The following CFAP221 variants were observed in gnomAD, a reference collection of about 807,000 sequenced individuals.
CFAP221 encodes cilia- and flagella-associated protein 221.
CFAP221 carries 97 observed loss-of-function variants against 113.1 expected under a neutral mutation model. The ratio of observed to expected loss-of-function variants is 0.86; its 90% CI spans 0.73 to 1.02. The LOEUF is 1.02. Among genes scored for constraint, CFAP221 ranks in the 50% least tolerant of loss-of-function variants. The pLI is 0.00. For missense variants in CFAP221, 1,025 were observed against 1,013.4 expected (o/e 1.01, Z -0.16); for synonymous variants, 331 against 354.4 (o/e 0.93, Z 0.74).
intron 6 of CFAP221, 151 bp from the exon 7 acceptor site, chr2:119,586,968 A>G (rs1683266413): frequency 1.9e-6 from 1 of 516,470 alleles, no homozygotes; most frequent in Admixed American, 3.7e-5. Flanking sequence ...TGGGAAATGC[A>G]TGGGGTTACT....
intron 16 of CFAP221, among the ~76,000 whole-genome samples, 197 bp from the exon 17 acceptor site, chr2:119,629,678 A>T (rs148513411): frequency 8.4e-4 from 128 of 152,298 alleles, no homozygotes; most frequent in Non-Finnish European, 1.7e-3. Flanking sequence ...AGAGACTCAC[A>T]TCCACTAGGA....
intron 13 of CFAP221, among the ~76,000 whole-genome samples, chr2:119,612,781 A>C (rs1685267031): frequency 6.6e-6 from 1 of 151,998 alleles, no homozygotes; most frequent in Non-Finnish European, 1.5e-5. Flanking sequence ...GGTCCTCCAA[A>C]TCTCATGTCC....
intron 6 of CFAP221, among the ~76,000 whole-genome samples, chr2:119,569,126 A>G (rs368245150): frequency 6.7e-6 from 1 of 149,018 alleles, no homozygotes; most frequent in Admixed American, 6.6e-5. Context: ...ACTTCTTTCA[A>G]TTTATTTATT....
intron 6 of CFAP221, among the ~76,000 whole-genome samples, chr2:119,570,953 C>T (rs1022528921): frequency 6.6e-6 from 1 of 151,976 alleles, no homozygotes; most frequent in Non-Finnish European, 1.5e-5. Context: ...TAAGAACTGC[C>T]AGACTGTTTT....
intron 7 of CFAP221, chr2:119,589,918 C>T (rs1288330323): frequency 2.0e-5 from 3 of 152,102 alleles, no homozygotes; most frequent in Non-Finnish European, 4.4e-5. Context: ...TTGGAAGAGC[C>T]AGCAATGCAC....
chr2:119,559,180 C>T (rs17040684), intron 3 of CFAP221, among the ~76,000 whole-genome samples: 1,676 of 152,328 alleles, frequency 0.011, 35 homozygotes, highest in African/African-American at 0.039. Context: ...AGAGAATTCC[C>T]ACCCTCAACT....
rs1263092404 is a variant in CFAP221 at position 119,546,342 on chromosome 2, A to G, written c.139+72A>G. ...GGCGAGCCAAAGTCCAGAGAGCATA[A>G]TGGGACTTTTAGTGCTGATTTATCT... On this transcript the variant is annotated intron_variant, in intron 2 of 23. Transcript: ENST00000413369. The G allele has an allele frequency of 4.1e-6, 6 of 1,446,130 alleles. No homozygotes were observed. The East Asian group carries it at 9.9e-5, about 24-fold the overall frequency. 89.6% of individuals were successfully genotyped at this position (1,446,130 alleles called of 1,614,324 possible).
chr2:119,644,995 C>CTG (rs1687712350), intron 21 of CFAP221, among the ~76,000 whole-genome samples: 1 of 516 alleles, frequency 1.9e-3, no homozygotes, highest in African/African-American at 3.1e-3. Flanking sequence ...TTCCAGGTCC[C>CTG]CCCCCCCACC....
intron 21 of CFAP221, among the ~76,000 whole-genome samples, 185 bp from the exon 22 acceptor site, chr2:119,646,773 C>A (rs1687837729): frequency 6.6e-6 from 1 of 152,196 alleles, no homozygotes; most frequent in Non-Finnish European, 1.5e-5. Flanking sequence ...CCCAGGTTTG[C>A]CTGGGGCCTA....
intron 3 of CFAP221, among the ~76,000 whole-genome samples, chr2:119,557,690 T>C (rs1680908918): frequency 6.6e-6 from 1 of 151,526 alleles, no homozygotes; most frequent in Non-Finnish European, 1.5e-5. Flanking sequence ...TGGGTTAGGA[T>C]CCTTCAGTGC....
chr2:119,623,307 A>G (rs1686068937), intron 14 of CFAP221, among the ~76,000 whole-genome samples: 1 of 152,220 alleles, frequency 6.6e-6, no homozygotes, highest in Non-Finnish European at 1.5e-5. Context: ...TACAACTTAC[A>G]AGGGATATGA....
In CFAP221 at chr2:119,630,556, TC is replaced by T. The variant is rs1686694121; in HGVS notation, c.1732-13del. 6.4e-7 allele frequency: 1 copy of T among 1,572,628 alleles called. No homozygotes were observed. The highest frequency in any genetic ancestry group is 1.4e-5 in the African/African-American group (1 of 73,890). The stretch of plus-strand genomic sequence containing the variant: ...ACAGGTTTTTAAGGATTTTCAATCT[TC>T]TTTCACCTTCAGGTTCCTCAACTGT... On this transcript the variant is annotated splice_polypyrimidine_tract_variant and intron_variant, in intron 17 of 23. Coordinates refer to ENST00000413369, the MANE Select transcript of CFAP221 (RefSeq NM_001271049.2).
In CFAP221 at chr2:119,628,293, G is replaced by GC. The variant is rs5833795; in HGVS notation, c.1650+507_1650+508insC. The stretch of plus-strand genomic sequence containing the variant: ...ACTTCTCTCTCTCTCTCTCTCTGGG[G>GC]GGTGTGTGTGTGTGTGTGTGTGTGT... On this transcript the variant is annotated intron_variant, in intron 16 of 23. Transcript: ENST00000413369. Among the ~76,000 whole-genome samples, 7 of 145,776 alleles carry GC rather than the reference G, an allele frequency of 4.8e-5. No homozygotes were observed. The East Asian group carries it at 1.4e-3, about 30-fold the overall frequency.
intron 7 of CFAP221, among the ~76,000 whole-genome samples, chr2:119,594,276 G>A (rs1251309937): frequency 6.6e-6 from 1 of 150,378 alleles, no homozygotes; most frequent in African/African-American, 2.5e-5. Context: ...TTGCTCTGTT[G>A]CCAGGCTGGA....
chr2:119,545,512 C>G (rs1679987650), intron 1 of CFAP221, among the ~76,000 whole-genome samples: 1 of 152,162 alleles, frequency 6.6e-6, no homozygotes, highest in African/African-American at 2.4e-5. Flanking sequence ...CTGGAATACC[C>G]CCATGTCTGG....
intron 11 of CFAP221, among the ~76,000 whole-genome samples, chr2:119,608,211 G>T (rs1684906193): frequency 6.6e-6 from 1 of 152,296 alleles, no homozygotes; most frequent in East Asian, 1.9e-4. Flanking sequence ...CCCAGTGGGT[G>T]TAAAGGGGTA....
chr2:119,646,091 A>G (rs188825610), intron 21 of CFAP221, among the ~76,000 whole-genome samples: 79 of 152,336 alleles, frequency 5.2e-4, no homozygotes, highest in Non-Finnish European at 9.8e-4. Context: ...CTCAATAGCC[A>G]GGAATTTTTA....
intron 16 of CFAP221, 56 bp from the exon 17 acceptor site, chr2:119,629,819 A>G (rs2104760943): frequency 2.9e-6 from 4 of 1,361,464 alleles, no homozygotes; most frequent in Non-Finnish European, 4.2e-6. Context: ...AAACAGAAGC[A>G]TAGCCACTCT....
intron 6 of CFAP221, among the ~76,000 whole-genome samples, chr2:119,569,269 C>T (rs1312419218): frequency 6.6e-6 from 1 of 152,082 alleles, no homozygotes; most frequent in African/African-American, 2.4e-5. Context: ...CAGGCACCCA[C>T]CACCACACCC....
Sources: allele counts gnomAD v4.1 joint callset (sites outside exome capture counted in the v4.1 genomes callset), GRCh38; gene constraint gnomAD v4.1.1; transcripts MANE v1.5; gene names NCBI Gene and HGNC (gene_info 2026-07-23, HGNC 2026-07-21).